Variants in NRXN3 observed in about 807,000 individuals in gnomAD.
The protein encoded by NRXN3 is neurexin III.
NRXN3 carries 32 observed loss-of-function variants against 137.6 expected under a neutral mutation model. The observed-to-expected ratio is 0.23, with a 90% CI of 0.18 to 0.31. The LOEUF (loss-of-function observed/expected upper bound fraction) is 0.31, where lower values mean the gene tolerates loss of function less well. Ranked by LOEUF, NRXN3 falls within the 10% of genes least tolerant of loss-of-function variation. The pLI, the probability that NRXN3 is intolerant of heterozygous loss-of-function variation, is 1.00. For missense variants in NRXN3, 1,574 were observed against 2,062.5 expected, an observed-to-expected ratio of 0.76 and a Z score of 4.59; for synonymous variants, 798 against 784.5, an observed-to-expected ratio of 1.02 and a Z score of -0.29.
At chr14:78,311,346 C>T (rs534912007) in intron 4 of NRXN3, among the ~76,000 whole-genome samples, 1 of 152,274 alleles carries the variant, frequency 6.6e-6, no homozygotes, top group Non-Finnish European at 1.5e-5. Flanking sequence ...CCAAGTCTTC[C>T]TGTGATCCCA....
chr14:78,601,275 CA>C (rs2097199346), intron 4 of NRXN3, among the ~76,000 whole-genome samples: 1 of 152,100 alleles, frequency 6.6e-6, no homozygotes, highest in Non-Finnish European at 1.5e-5. Context: ...AATCCATTTG[CA>C]ATGACTTCAC....
intron 4 of NRXN3, among the ~76,000 whole-genome samples, chr14:78,384,921 A>T (rs2153634782): frequency 6.6e-6 from 1 of 152,324 alleles, no homozygotes; most frequent in Middle Eastern, 3.4e-3. Context: ...TTCAGCATGT[A>T]GCTAATTAAG....
intron 15 of NRXN3, among the ~76,000 whole-genome samples, chr14:79,377,735 A>C (rs576360151): frequency 2.8e-4 from 43 of 152,332 alleles, no homozygotes; most frequent in South Asian, 4.1e-4. Context: ...CAGCCTGGGC[A>C]ACAGAGCTAG....
intron 15 of NRXN3, chr14:79,280,683 C>A (rs1258810288): frequency 3.3e-5 from 28 of 838,802 alleles, no homozygotes; most frequent in Non-Finnish European, 5.2e-5. Context: ...ATGAGGGAAG[C>A]AAATTTCTAC....
chr14:78,628,755 C>G (rs750328881), intron 4 of NRXN3, among the ~76,000 whole-genome samples: 4 of 152,156 alleles, frequency 2.6e-5, no homozygotes, highest in Non-Finnish European at 4.4e-5. Flanking sequence ...AGCTCTGTCA[C>G]CTTGGGAGAA....
intron 15 of NRXN3, among the ~76,000 whole-genome samples, chr14:79,253,912 G>A (rs555242282): frequency 6.6e-6 from 1 of 152,312 alleles, no homozygotes; most frequent in South Asian, 2.1e-4. Context: ...AAAACATTGA[G>A]GCAAATTGTG....
chr14:78,942,444 CAG>C (rs989256077), intron 10 of NRXN3, among the ~76,000 whole-genome samples: 4 of 152,056 alleles, frequency 2.6e-5, no homozygotes, highest in African/African-American at 9.7e-5. Context: ...TTTGGAAAAA[CAG>C]AAATAAAAAA....
intron 10 of NRXN3, among the ~76,000 whole-genome samples, chr14:78,822,239 G>A (rs1008977369): frequency 2.0e-5 from 3 of 152,118 alleles, no homozygotes; most frequent in African/African-American, 7.2e-5. Context: ...TTGACAGGTG[G>A]CTACTAATTA....
chr14:78,720,263 G>A (rs146235557), intron 8 of NRXN3, among the ~76,000 whole-genome samples: 178 of 152,226 alleles, frequency 1.2e-3, no homozygotes, highest in African/African-American at 4.1e-3. Flanking sequence ...TATGTCCCTA[G>A]TTGTCTACTT....
chr14:79,770,279 A>G (rs1189564195), intron 19 of NRXN3, among the ~76,000 whole-genome samples: 2 of 152,150 alleles, frequency 1.3e-5, no homozygotes, highest in Admixed American at 6.6e-5. Flanking sequence ...CGGACCTAAT[A>G]GACATCTCCA....
intron 10 of NRXN3, among the ~76,000 whole-genome samples, chr14:78,955,416 G>A (rs946518266): frequency 3.3e-5 from 5 of 152,108 alleles, no homozygotes; most frequent in African/African-American, 7.2e-5. Flanking sequence ...GGGAAATTCT[G>A]TTGTAATACA....
intron 15 of NRXN3, among the ~76,000 whole-genome samples, chr14:79,418,634 A>G (rs2095531880): frequency 6.6e-6 from 1 of 152,208 alleles, no homozygotes; most frequent in Admixed American, 6.6e-5. Context: ...GTCAATAAAA[A>G]TAAGGTAACA....
intron 16 of NRXN3, among the ~76,000 whole-genome samples, chr14:79,500,118 T>G (rs1055204913): frequency 6.6e-6 from 1 of 152,040 alleles, no homozygotes; most frequent in African/African-American, 2.4e-5. Flanking sequence ...CTTCTGTTTC[T>G]GTTTATGGGA....
intron 15 of NRXN3, among the ~76,000 whole-genome samples, chr14:79,060,792 C>T (rs1440389181): frequency 3.3e-5 from 5 of 151,890 alleles, no homozygotes; most frequent in Admixed American, 2.0e-4. Flanking sequence ...CTTATAACCT[C>T]TCTCAAAACC....
intron 16 of NRXN3, among the ~76,000 whole-genome samples, chr14:79,641,322 G>C (rs563379708): frequency 7.4e-6 from 1 of 135,320 alleles, no homozygotes; most frequent in African/African-American, 2.5e-5. Flanking sequence ...CTTTACTATA[G>C]AGTAAAAGTT....
intron 15 of NRXN3, among the ~76,000 whole-genome samples, chr14:79,069,681 A>G (rs1442142687): frequency 1.3e-5 from 2 of 152,136 alleles, no homozygotes; most frequent in Non-Finnish European, 2.9e-5. Flanking sequence ...TTTCTCTTGA[A>G]GTGACATTTG....
intron 2 of NRXN3, chr14:78,250,163 T>G (rs1268034001): frequency 2.0e-6 from 1 of 496,766 alleles, no homozygotes; most frequent in Non-Finnish European, 4.0e-6. Flanking sequence ...GAGGCAGAGC[T>G]GCAATTTGTG....
intron 20 of NRXN3, among the ~76,000 whole-genome samples, chr14:79,845,970 G>A (rs1342973392): frequency 6.6e-6 from 1 of 152,180 alleles, no homozygotes; most frequent in East Asian, 1.9e-4. Flanking sequence ...TGGAGGAAGG[G>A]CAGGTTGGTG....
At chr14:79,473,722 A>T (rs1366921452) in intron 16 of NRXN3, among the ~76,000 whole-genome samples, 5 of 147,354 alleles carry the variant, frequency 3.4e-5, no homozygotes, top group African/African-American at 1.3e-4. Context: ...CTGCAGGTTG[A>T]CTCCGTATTT....
Sources: allele counts gnomAD v4.1 joint callset (sites outside exome capture counted in the v4.1 genomes callset), GRCh38; gene constraint gnomAD v4.1.1; transcripts MANE v1.5; gene names NCBI Gene and HGNC (gene_info 2026-07-23, HGNC 2026-07-21).